NTN1: variants seen among roughly 807,000 people sequenced by gnomAD.
NTN1 encodes the protein netrin-1.
A neutral mutation model predicts 54.2 loss-of-function variants in NTN1; 11 were observed. The ratio of observed to expected loss-of-function variants is 0.20; its 90% confidence interval spans 0.13 to 0.34. NTN1 has a LOEUF of 0.34. Among genes scored for constraint, NTN1 ranks in the 10% least tolerant of loss-of-function variants. The pLI is 1.00. For missense variants in NTN1, 740 were observed against 893.1 expected (o/e 0.83, Z 2.18); for synonymous variants, 371 against 382.0 (o/e 0.97, Z 0.33).
intron 6 of NTN1, among the ~76,000 whole-genome samples, chr17:9,238,149 G>A (rs1026851356): frequency 2.0e-5 from 3 of 152,160 alleles, no homozygotes; most frequent in African/African-American, 7.2e-5. Flanking sequence ...GACGTTGACA[G>A]AAGCCAGCCA....
At chr17:9,114,149 AAAAG>A (rs1202359258) in intron 2 of NTN1, among the ~76,000 whole-genome samples, 1,720 of 96,992 alleles carry the variant, frequency 0.018, 39 homozygotes, top group Non-Finnish European at 0.023. Context: ...GTGCCAAAAA[AAAAG>A]AAAAAAAAAA....
chr17:9,233,639 C>T (rs141561943), intron 6 of NTN1, among the ~76,000 whole-genome samples: 1 of 151,968 alleles, frequency 6.6e-6, no homozygotes, highest in African/African-American at 2.4e-5. Context: ...TGCTCCAAGT[C>T]CCCCTCTGGA....
chr17:9,224,104 T>G (rs1194576312), intron 6 of NTN1, among the ~76,000 whole-genome samples: 4 of 152,208 alleles, frequency 2.6e-5, no homozygotes, highest in Non-Finnish European at 5.9e-5. Context: ...GGCCCAAAAC[T>G]GATCCTGTGT....
intron 5 of NTN1, among the ~76,000 whole-genome samples, chr17:9,216,035 A>C (rs967683388): frequency 6.6e-6 from 1 of 152,216 alleles, no homozygotes; most frequent in African/African-American, 2.4e-5. Flanking sequence ...GTCACAGCTC[A>C]CTACAATCTC....
chr17:9,021,983 C>A (rs955557046), intron 1 of NTN1, among the ~76,000 whole-genome samples: 1 of 152,274 alleles, frequency 6.6e-6, no homozygotes, highest in East Asian at 1.9e-4. Flanking sequence ...GGTCCCCCAG[C>A]TCTCCTGCGC....
At chr17:9,231,967 C>T (rs1408263201) in intron 6 of NTN1, among the ~76,000 whole-genome samples, 3 of 152,156 alleles carry the variant, frequency 2.0e-5, no homozygotes, top group East Asian at 3.9e-4. Flanking sequence ...TGGCATGTCC[C>T]GCGGGCCCAG....
At chr17:9,195,262 G>A (rs3888089) in intron 5 of NTN1, among the ~76,000 whole-genome samples, 47,427 of 146,284 alleles carry the variant, frequency 0.32, 7,821 homozygotes, top group Middle Eastern at 0.44. Flanking sequence ...TTGCATGGTG[G>A]GTTTCAGGAG....
chr17:9,115,760 C>T (rs1284292818), intron 2 of NTN1, among the ~76,000 whole-genome samples: 1 of 152,198 alleles, frequency 6.6e-6, no homozygotes, highest in East Asian at 1.9e-4. Flanking sequence ...GTGGCGGAGT[C>T]TCTGGAGGCG....
intron 6 of NTN1, among the ~76,000 whole-genome samples, chr17:9,228,250 C>T (rs929019787): frequency 2.6e-5 from 4 of 152,172 alleles, no homozygotes; most frequent in Non-Finnish European, 5.9e-5. Context: ...CCTGAGTAGC[C>T]AGTGCTCACT....
At chr17:9,013,452 G>A in the NTN1 span, among the ~76,000 whole-genome samples, 1 of 152,082 alleles carries the variant, frequency 6.6e-6, no homozygotes, top group Non-Finnish European at 1.5e-5. Flanking sequence ...CCGACTTCAG[G>A]TGATCTGCCC....
intron 2 of NTN1, among the ~76,000 whole-genome samples, chr17:9,147,450 C>G (rs998619403): frequency 6.6e-6 from 1 of 152,122 alleles, no homozygotes; most frequent in African/African-American, 2.4e-5. Flanking sequence ...GTGGGCAGAG[C>G]TTGCAGTGAG....
rs1286087443 is a variant in NTN1 at position 9,179,864 on chromosome 17, A to G, written c.1265A>G (p.Gln422Arg). Residue 422 changes from glutamine to arginine, a missense_variant, in exon 4 of 7, where the codon CAG becomes CGG. Physicochemically the swap from Gln to Arg is conservative, Grantham distance 43. Transcript: ENST00000173229. Reference sequence around the variant, plus strand: ...AAAACCTGCAACCAAACCACCGGCCAGTGTCCCTGCAAGGACGGCGTGACG... The same window carrying G: ...AAAACCTGCAACCAAACCACCGGCCGGTGTCCCTGCAAGGACGGCGTGACG... ...AGKTCNQTTG[Q>R]CPCKDGVTGI... 2.5e-6 allele frequency: 4 copies of G among 1,614,006 alleles called. No homozygotes were observed. The highest frequency in any genetic ancestry group is 3.4e-6 in the Non-Finnish European group (4 of 1,180,036).
chr17:9,174,055 TAGGACCTGCAGCACTTCCTGCTCA>T (rs2092394057), intron 3 of NTN1: 1 of 152,590 alleles, frequency 6.6e-6, no homozygotes, highest in Non-Finnish European at 1.5e-5. Context: ...TGAGGGCTCT[TAGGACCTGCAGCACTTCCTGCTCA>T]AGGCCTCTGC....
intron 2 of NTN1, among the ~76,000 whole-genome samples, chr17:9,125,263 G>A (rs1327687657): frequency 6.7e-6 from 1 of 148,638 alleles, no homozygotes; most frequent in Non-Finnish European, 1.5e-5. Context: ...TTTCACTCTT[G>A]TCGCCCAGGC....
At chr17:9,182,731 C>T (rs972015151) in intron 4 of NTN1, among the ~76,000 whole-genome samples, 185 bp from the exon 5 acceptor site, 2 of 152,194 alleles carry the variant, frequency 1.3e-5, no homozygotes, top group Non-Finnish European at 2.9e-5. Flanking sequence ...GCCACGTGCC[C>T]AGGATGCCGC....
At chr17:9,173,801 A>C (rs1451585640) in intron 3 of NTN1, 2 of 152,246 alleles carry the variant, frequency 1.3e-5, no homozygotes, top group Non-Finnish European at 2.9e-5. Flanking sequence ...CTGCTGGGGC[A>C]ATGTCCCGGG....
chr17:9,172,801 C>T (rs2092390818), intron 3 of NTN1: 1 of 149,610 alleles, frequency 6.7e-6, no homozygotes, highest in Non-Finnish European at 1.5e-5. Context: ...CACCTGAGGT[C>T]AGGAGGCTGA....
chr17:9,228,377 G>A (rs1022096490), intron 6 of NTN1, among the ~76,000 whole-genome samples: 21 of 152,212 alleles, frequency 1.4e-4, no homozygotes, highest in Non-Finnish European at 2.5e-4. Context: ...GTGGGGCCCA[G>A]GGAGGCTGGA....
At chr17:9,118,985 A>G (rs2092223978) in intron 2 of NTN1, among the ~76,000 whole-genome samples, 1 of 151,958 alleles carries the variant, frequency 6.6e-6, no homozygotes, top group South Asian at 2.1e-4. Context: ...ATGTGTTTTC[A>G]TTTCTCTTGG....
Sources: gnomAD v4.1 joint callset for allele counts (sites outside exome capture counted in the v4.1 genomes callset) on GRCh38, gnomAD v4.1.1 for gene constraint, MANE v1.5 for transcripts, NCBI Gene and HGNC (gene_info 2026-07-23, HGNC 2026-07-21) for gene names.